Variants in THRAP3 observed in about 807,000 individuals in gnomAD.
THRAP3 encodes the protein thyroid hormone receptor associated protein 3.
THRAP3 carries 16 observed loss-of-function variants against 101.0 expected under a neutral mutation model. The observed-to-expected ratio is 0.16, with a 90% CI of 0.11 to 0.24. The LOEUF is 0.24. Ranked by LOEUF, THRAP3 falls within the 10% of genes least tolerant of loss-of-function variation. THRAP3 has a pLI of 1.00. For synonymous variants in THRAP3, 407 were observed against 422.6 expected (o/e 0.96, Z 0.45); for missense variants, 989 against 1,202.7 (o/e 0.82, Z 2.63).
intron 1 of THRAP3, among the ~76,000 whole-genome samples, chr1:36,228,723 AT>A (rs1406614620): frequency 6.6e-6 from 1 of 152,188 alleles, no homozygotes; most frequent in African/African-American, 2.4e-5. Context: ...TCTGTAAAAT[AT>A]TTTTGAATAG....
rs80254438 is a variant in THRAP3 at position 36,257,456 on chromosome 1, T to C, written c.-134-1926T>C. Among the ~76,000 whole-genome samples, 1,462 of 152,274 alleles carry C rather than the reference T, an allele frequency of 9.6e-3. 16 individuals carry two copies. The highest frequency in any genetic ancestry group is 0.034 in the African/African-American group (1,402 of 41,548). On this transcript the variant is annotated intron_variant, in intron 1 of 11. Transcript: ENST00000354618. ...GTGTAGAAGGGAAGAGGGTCTATTGTGGAGTCTCCTTGCTAATACACTGCT... is the reference window on the plus strand; with the variant it reads ...GTGTAGAAGGGAAGAGGGTCTATTGCGGAGTCTCCTTGCTAATACACTGCT...
chr1:36,296,967 G>A (rs1297804027), intron 9 of THRAP3, among the ~76,000 whole-genome samples, 197 bp downstream of exon 9: 3 of 152,180 alleles, frequency 2.0e-5, no homozygotes, highest in Non-Finnish European at 4.4e-5. Context: ...TGTGATCTTT[G>A]TCCAAAGAAG....
chr1:36,218,995 T>C, the THRAP3 span, among the ~76,000 whole-genome samples: 1 of 135,310 alleles, frequency 7.4e-6, no homozygotes, highest in African/African-American at 2.9e-5. Flanking sequence ...ATCACGCCAC[T>C]GCACTCTAGC....
At chr1:36,290,989 T>C (rs1451034695) in intron 5 of THRAP3, among the ~76,000 whole-genome samples, 2 of 152,128 alleles carry the variant, frequency 1.3e-5, no homozygotes, top group Admixed American at 1.3e-4. Flanking sequence ...TATTGATTGA[T>C]TGATTGAAAT....
intron 4 of THRAP3, 72 bp downstream of exon 4, chr1:36,287,342 T>A: frequency 6.8e-7 from 1 of 1,474,466 alleles, no homozygotes; most frequent in Non-Finnish European, 9.0e-7. Flanking sequence ...TAATGTGATC[T>A]AAGTTAGAGC....
At chr1:36,257,416 T>C (rs903020954) in intron 1 of THRAP3, among the ~76,000 whole-genome samples, 1 of 152,208 alleles carries the variant, frequency 6.6e-6, no homozygotes, top group Non-Finnish European at 1.5e-5. Context: ...GTTGAATAAG[T>C]GGACAATTAG....
chr1:36,288,250 C>A, intron 4 of THRAP3: 1 of 747,168 alleles, frequency 1.3e-6, no homozygotes, highest in Non-Finnish European at 1.6e-6. Context: ...TTTTGGTGCA[C>A]CCATCACCTG....
intron 1 of THRAP3, among the ~76,000 whole-genome samples, chr1:36,243,700 A>G (rs1570250297): frequency 6.6e-6 from 1 of 152,096 alleles, no homozygotes; most frequent in Admixed American, 6.5e-5. Context: ...CCCGTTCTCA[A>G]TGAGCCGCTG....
intron 8 of THRAP3, among the ~76,000 whole-genome samples, chr1:36,295,602 TTCCTTCTTCCC>T (rs1238958627): frequency 6.6e-6 from 1 of 150,606 alleles, no homozygotes; most frequent in Non-Finnish European, 1.5e-5. Flanking sequence ...CCTCCCTCCC[TTCCTTCTTCCC>T]TCCCTTCCTC....
At chr1:36,296,383 T>G (rs898860100) in intron 8 of THRAP3, among the ~76,000 whole-genome samples, 200 bp from the exon 9 acceptor site, 1 of 152,180 alleles carries the variant, frequency 6.6e-6, no homozygotes, top group Non-Finnish European at 1.5e-5. Flanking sequence ...TTTGGAGGAC[T>G]GGCGTGGGTT....
intron 8 of THRAP3, among the ~76,000 whole-genome samples, chr1:36,295,531 C>T (rs1451281779): frequency 7.5e-6 from 1 of 133,478 alleles, no homozygotes; most frequent in East Asian, 2.6e-4. Context: ...CTTAGGAAGC[C>T]AGCAGAGAAG....
rs183067969 is a variant in THRAP3, at chr1:36,280,223, C to T, written c.-31-2310C>T. On this transcript the variant is annotated intron_variant, in intron 2 of 11. Coordinates refer to ENST00000354618, the MANE Select transcript of THRAP3 (RefSeq NM_005119.4). ...TGCCTCAAAATTCTTATCTGTAAAA[C>T]GGGATTAAAAATGCCCTCCTCAAGG... Among the ~76,000 whole-genome samples, 63 of 152,214 alleles carry T rather than the reference C, an allele frequency of 4.1e-4. 1 individual carries two copies. The highest frequency in any genetic ancestry group is 3.5e-3 in the Admixed American group (53 of 15,288).
At chr1:36,263,673 AT>A (rs567700526) in intron 2 of THRAP3, among the ~76,000 whole-genome samples, 1 of 151,964 alleles carries the variant, frequency 6.6e-6, no homozygotes, top group South Asian at 2.1e-4. Flanking sequence ...TGAATTGAAT[AT>A]TTTTTTTAAG....
intron 7 of THRAP3, among the ~76,000 whole-genome samples, chr1:36,293,145 T>C (rs1645899879): frequency 6.7e-6 from 1 of 148,498 alleles, no homozygotes; most frequent in Non-Finnish European, 1.5e-5. Flanking sequence ...TCTCATGCCT[T>C]AGCCTCCCAA....
intron 1 of THRAP3, among the ~76,000 whole-genome samples, chr1:36,232,523 TG>T (rs1294375932): frequency 6.6e-6 from 1 of 152,248 alleles, no homozygotes; most frequent in Non-Finnish European, 1.5e-5. Flanking sequence ...TAATCTATCG[TG>T]TTTCATCCTT....
intron 3 of THRAP3, among the ~76,000 whole-genome samples, chr1:36,283,865 T>C (rs1374635945): frequency 6.6e-6 from 1 of 152,150 alleles, no homozygotes; most frequent in Non-Finnish European, 1.5e-5. Flanking sequence ...AAGGTAGATA[T>C]TAAATGGAGT....
chr1:36,240,645 C>A (rs985904053), intron 1 of THRAP3, among the ~76,000 whole-genome samples: 1 of 152,134 alleles, frequency 6.6e-6, no homozygotes, highest in Non-Finnish European at 1.5e-5. Context: ...TCTGTCCAGT[C>A]AAGTTGACAC....
At chr1:36,237,533 G>A (rs1329036136) in intron 1 of THRAP3, among the ~76,000 whole-genome samples, 1 of 151,574 alleles carries the variant, frequency 6.6e-6, no homozygotes. Context: ...CACTTTGGGA[G>A]GCCAAGGCAG....
chr1:36,282,090 T>A (rs1645738976), intron 2 of THRAP3, among the ~76,000 whole-genome samples: 1 of 151,910 alleles, frequency 6.6e-6, no homozygotes, highest in Non-Finnish European at 1.5e-5. Context: ...AAAAAAAATT[T>A]TTTTTTTAAC....
Sources: allele counts gnomAD v4.1 joint callset (sites outside exome capture counted in the v4.1 genomes callset), GRCh38; gene constraint gnomAD v4.1.1; transcripts MANE v1.5; gene names NCBI Gene and HGNC (gene_info 2026-07-23, HGNC 2026-07-21).